The following SGCZ variants were observed in gnomAD, a reference collection of about 807,000 sequenced individuals.
SGCZ encodes the protein zeta-sarcoglycan.
A neutral mutation model predicts 41.3 loss-of-function variants in SGCZ; 40 were observed. The ratio of observed to expected loss-of-function variants is 0.97; its 90% CI spans 0.75 to 1.26. The LOEUF (loss-of-function observed/expected upper bound fraction) is 1.26. SGCZ is among the 50% of genes most tolerant of loss of function. SGCZ has a pLI of 0.00. For synonymous variants in SGCZ, 206 were observed against 137.5 expected (o/e 1.50, Z -3.49); for missense variants, 552 against 369.8 (o/e 1.49, Z -4.04).
chr8:14,882,709 A>C (rs1804636210), intron 1 of SGCZ, among the ~76,000 whole-genome samples: 1 of 152,092 alleles, frequency 6.6e-6, no homozygotes, highest in Non-Finnish European at 1.5e-5. Context: ...TGCTAATAGC[A>C]ACACAACTCC....
chr8:14,240,946 G>A (rs1191551167), intron 3 of SGCZ, among the ~76,000 whole-genome samples: 1 of 152,082 alleles, frequency 6.6e-6, no homozygotes, highest in East Asian at 1.9e-4. Flanking sequence ...ACAATCCTAA[G>A]CAATTCATAA....
chr8:14,498,662 T>C (rs1802061665), intron 2 of SGCZ, among the ~76,000 whole-genome samples: 1 of 152,126 alleles, frequency 6.6e-6, no homozygotes, highest in Non-Finnish European at 1.5e-5. Flanking sequence ...TTAGTGGTTA[T>C]ACTAGTCATT....
chr8:14,271,780 G>C (rs909684153), intron 3 of SGCZ, among the ~76,000 whole-genome samples: 3 of 152,122 alleles, frequency 2.0e-5, no homozygotes, highest in Non-Finnish European at 2.9e-5. Context: ...TGAAGATCCT[G>C]ATTCATATCT....
intron 3 of SGCZ, among the ~76,000 whole-genome samples, chr8:14,290,091 G>C (rs1051543368): frequency 6.6e-6 from 1 of 152,052 alleles, no homozygotes; most frequent in African/African-American, 2.4e-5. Context: ...CTTGACATAT[G>C]GGGATTACAA....
At chr8:14,160,170 A>G (rs1419643562) in intron 5 of SGCZ, among the ~76,000 whole-genome samples, 1 of 152,220 alleles carries the variant, frequency 6.6e-6, no homozygotes, top group African/African-American at 2.4e-5. Flanking sequence ...TTTACATCAT[A>G]GAAAAAAAAC....
intron 2 of SGCZ, among the ~76,000 whole-genome samples, chr8:14,518,481 T>C (rs1802691312): frequency 6.6e-6 from 1 of 152,176 alleles, no homozygotes; most frequent in Non-Finnish European, 1.5e-5. Context: ...ATGCCACTTA[T>C]TATAATGTGA....
intron 1 of SGCZ, among the ~76,000 whole-genome samples, chr8:15,209,530 T>C (rs1233874862): frequency 4.0e-5 from 3 of 74,576 alleles, no homozygotes; most frequent in African/African-American, 1.3e-4. Context: ...GTTAAATACC[T>C]AAGTATAAAA....
intron 1 of SGCZ, among the ~76,000 whole-genome samples, chr8:14,715,064 C>T (rs1809644298): frequency 6.6e-6 from 1 of 152,076 alleles, no homozygotes; most frequent in African/African-American, 2.4e-5. Context: ...ATATATTCTT[C>T]AGTCAGTTTT....
At chr8:15,171,950 C>T (rs747355798) in intron 1 of SGCZ, among the ~76,000 whole-genome samples, 1 of 152,126 alleles carries the variant, frequency 6.6e-6, no homozygotes, top group Non-Finnish European at 1.5e-5. Flanking sequence ...TGCCTTCTCA[C>T]TCCATTGAAA....
intron 1 of SGCZ, among the ~76,000 whole-genome samples, chr8:14,974,667 G>A (rs973849451): frequency 5.9e-5 from 9 of 152,042 alleles, no homozygotes; most frequent in South Asian, 2.1e-4. Context: ...TGTGAGAACC[G>A]CTGCACTGAA....
intron 1 of SGCZ, among the ~76,000 whole-genome samples, chr8:14,827,236 CTT>C (rs36071307): frequency 4.4e-4 from 54 of 122,296 alleles, no homozygotes; most frequent in East Asian, 2.1e-3. Flanking sequence ...CTTTTCTTTT[CTT>C]TTTTTTTTTT....
chr8:14,801,960 G>A (rs183750037), intron 1 of SGCZ, among the ~76,000 whole-genome samples: 2 of 152,230 alleles, frequency 1.3e-5, no homozygotes, highest in East Asian at 3.9e-4. Context: ...TGAGAGAAGG[G>A]ATGTTTTCTA....
At chr8:14,423,997 A>G (rs1799707389) in intron 2 of SGCZ, among the ~76,000 whole-genome samples, 1 of 152,212 alleles carries the variant, frequency 6.6e-6, no homozygotes, top group Non-Finnish European at 1.5e-5. Context: ...AAGAAAGTAT[A>G]TGAGTTATTG....
intron 2 of SGCZ, among the ~76,000 whole-genome samples, chr8:14,327,571 T>G (rs556593775): frequency 1.3e-5 from 2 of 152,174 alleles, no homozygotes; most frequent in East Asian, 1.9e-4. Flanking sequence ...TAAAAAATGT[T>G]CTGATGAGAT....
chr8:14,537,247 T>G (rs550861431), intron 2 of SGCZ, among the ~76,000 whole-genome samples: 3 of 151,872 alleles, frequency 2.0e-5, no homozygotes, highest in African/African-American at 4.8e-5. Context: ...GGAGCACACA[T>G]GAACTGCATT....
chr8:15,004,434 G>A (rs980559080), intron 1 of SGCZ, among the ~76,000 whole-genome samples: 50 of 152,064 alleles, frequency 3.3e-4, no homozygotes, highest in African/African-American at 1.2e-3. Flanking sequence ...GACCAAAAAA[G>A]GCAGACACTT....
chr8:15,026,828 C>A (rs1476644398), intron 1 of SGCZ, among the ~76,000 whole-genome samples: 1 of 152,146 alleles, frequency 6.6e-6, no homozygotes, highest in African/African-American at 2.4e-5. Flanking sequence ...CAGTAGATTT[C>A]TTTTATCGTT....
chr8:15,083,545 A>C (rs1805833121), intron 1 of SGCZ, among the ~76,000 whole-genome samples: 1 of 152,046 alleles, frequency 6.6e-6, no homozygotes, highest in Admixed American at 6.6e-5. Flanking sequence ...ATGAGAAATT[A>C]ATTCAATGTT....
intron 1 of SGCZ, among the ~76,000 whole-genome samples, chr8:14,653,723 CCAAA>C (rs142728653): frequency 0.031 from 4,775 of 152,088 alleles, 276 homozygotes; most frequent in African/African-American, 0.11. Flanking sequence ...CAGACATAAT[CCAAA>C]CAGTTTTCAA....
Sources: allele counts gnomAD v4.1 joint callset (sites outside exome capture counted in the v4.1 genomes callset), GRCh38; gene constraint gnomAD v4.1.1; transcripts MANE v1.5; gene names NCBI Gene and HGNC (gene_info 2026-07-23, HGNC 2026-07-21).